NELL1: variants seen among roughly 807,000 people sequenced by gnomAD.
NELL1 encodes the protein protein kinase C-binding protein NELL1.
Under a neutral mutation model 107.4 loss-of-function variants are expected in NELL1, and 76 were observed. The observed-to-expected ratio is 0.71, with a 90% CI of 0.59 to 0.86. The LOEUF (loss-of-function observed/expected upper bound fraction) is 0.86, where lower values mean the gene tolerates loss of function less well. Ranked by LOEUF, NELL1 falls within the 40% of genes least tolerant of loss-of-function variation. The pLI is 0.00. For missense variants in NELL1, 1,024 were observed against 1,005.5 expected (o/e 1.02, Z -0.25); for synonymous variants, 353 against 341.2 (o/e 1.03, Z -0.38).
rs367731027 is a variant in NELL1, at chr11:21,454,521, C to T, written c.1646-79853C>T. On this transcript the variant is annotated intron_variant, in intron 15 of 19. Transcript: ENST00000357134. Reference sequence around the variant, plus strand: ...TTTCTCCATATCTTATAAACTCTAACATATATTATTAGTTTTATTTTAAAT... The same window carrying T: ...TTTCTCCATATCTTATAAACTCTAATATATATTATTAGTTTTATTTTAAAT... 4.2e-3 allele frequency among the ~76,000 whole-genome samples: 638 copies of T among 152,200 alleles called. 5 individuals carry two copies. Among genetic ancestry groups the T allele is most frequent in the Non-Finnish European group, 5.5e-3 (374 of 68,006 alleles).
At chr11:20,741,219 C>G (rs916852897) in intron 2 of NELL1, among the ~76,000 whole-genome samples, 1 of 151,908 alleles carries the variant, frequency 6.6e-6, no homozygotes, top group African/African-American at 2.4e-5. Flanking sequence ...ATTCCTGGAG[C>G]CTTCTCGCCC....
intron 15 of NELL1, among the ~76,000 whole-genome samples, chr11:21,434,190 G>T (rs543935421): frequency 2.5e-4 from 38 of 152,132 alleles, no homozygotes; most frequent in Admixed American, 1.0e-3. Flanking sequence ...AGATTTTTTT[G>T]ATTGATATAG....
intron 12 of NELL1, among the ~76,000 whole-genome samples, chr11:21,104,412 G>T (rs989815378): frequency 6.6e-6 from 1 of 152,180 alleles, no homozygotes; most frequent in Non-Finnish European, 1.5e-5. Flanking sequence ...GGCACAAAAA[G>T]ATATGTTACT....
chr11:21,009,252 A>G (rs1852396329), intron 12 of NELL1, among the ~76,000 whole-genome samples: 1 of 152,092 alleles, frequency 6.6e-6, no homozygotes, highest in African/African-American at 2.4e-5. Context: ...TTTCACATCA[A>G]CTTCTATGTA....
At chr11:21,256,309 T>C (rs1858767046) in intron 14 of NELL1, among the ~76,000 whole-genome samples, 1 of 152,032 alleles carries the variant, frequency 6.6e-6, no homozygotes, top group South Asian at 2.1e-4. Context: ...GCAACTTGAC[T>C]TGAGCACATA....
chr11:21,508,983 G>T (rs939742906), intron 15 of NELL1, among the ~76,000 whole-genome samples: 2 of 151,902 alleles, frequency 1.3e-5, no homozygotes, highest in African/African-American at 4.8e-5. Flanking sequence ...CAACAAAAGT[G>T]AAAACAGAAG....
intron 9 of NELL1, among the ~76,000 whole-genome samples, chr11:20,929,964 T>C (rs1218918091): frequency 1.4e-5 from 2 of 143,360 alleles, no homozygotes; most frequent in Admixed American, 6.9e-5. Context: ...AGAGTGAGTC[T>C]GTCTCAAAAA....
At chr11:21,204,185 G>C (rs1052510971) in intron 13 of NELL1, among the ~76,000 whole-genome samples, 2 of 152,082 alleles carry the variant, frequency 1.3e-5, no homozygotes, top group African/African-American at 4.8e-5. Flanking sequence ...AGTTCTCCTG[G>C]ATAATATCCT....
At chr11:20,896,395 G>T (rs547417004) in intron 5 of NELL1, among the ~76,000 whole-genome samples, 1 of 152,190 alleles carries the variant, frequency 6.6e-6, no homozygotes, top group Non-Finnish European at 1.5e-5. Flanking sequence ...GGACATTTAG[G>T]CTGGTTCCGT....
chr11:21,336,925 T>C (rs1850415298), intron 14 of NELL1, among the ~76,000 whole-genome samples: 1 of 152,012 alleles, frequency 6.6e-6, no homozygotes, highest in South Asian at 2.1e-4. Flanking sequence ...AATAAAGAGA[T>C]ACCTGGGTTG....
chr11:20,941,350 T>C (rs1375570310), intron 10 of NELL1, among the ~76,000 whole-genome samples: 2 of 152,198 alleles, frequency 1.3e-5, no homozygotes, highest in Non-Finnish European at 2.9e-5. Context: ...TAATTACTCT[T>C]ACAATATAGC....
intron 12 of NELL1, among the ~76,000 whole-genome samples, chr11:20,976,071 T>A (rs1478492903): frequency 6.9e-6 from 1 of 143,894 alleles, no homozygotes; most frequent in African/African-American, 2.6e-5. Context: ...TCTGTACATA[T>A]ATGTATTATA....
intron 17 of NELL1, among the ~76,000 whole-genome samples, chr11:21,561,029 CTGTT>C (rs1308960455): frequency 2.0e-5 from 3 of 152,068 alleles, no homozygotes; most frequent in African/African-American, 7.2e-5. Flanking sequence ...GTCTATTAAA[CTGTT>C]TGATCTCTTT....
chr11:21,173,676 A>C (rs1188709928), intron 13 of NELL1, among the ~76,000 whole-genome samples: 1 of 151,772 alleles, frequency 6.6e-6, no homozygotes, highest in East Asian at 1.9e-4. Flanking sequence ...AGTGCTTGGC[A>C]TTGTGCCTGA....
At chr11:20,922,088 C>CT (rs1850391344) in intron 7 of NELL1, among the ~76,000 whole-genome samples, 1 of 152,120 alleles carries the variant, frequency 6.6e-6, no homozygotes, top group South Asian at 2.1e-4. Context: ...TTTGTTCACT[C>CT]TAACACTGAG....
At chr11:20,887,569 T>TA (rs1225368836) in intron 5 of NELL1, among the ~76,000 whole-genome samples, 1 of 152,174 alleles carries the variant, frequency 6.6e-6, no homozygotes, top group Non-Finnish European at 1.5e-5. Context: ...TGGAAATTTT[T>TA]AAGGTAAAGC....
intron 12 of NELL1, among the ~76,000 whole-genome samples, chr11:20,998,400 TTTTG>T (rs1263677450): frequency 2.6e-5 from 4 of 152,240 alleles, no homozygotes; most frequent in African/African-American, 4.8e-5. Flanking sequence ...CATAGCTGAA[TTTTG>T]TTTGTTACCC....
chr11:20,992,520 T>G (rs936274291), intron 12 of NELL1, among the ~76,000 whole-genome samples: 1 of 152,100 alleles, frequency 6.6e-6, no homozygotes, highest in South Asian at 2.1e-4. Context: ...TCTAGTTCTG[T>G]TCATAGTTTT....
chr11:20,829,374 C>T (rs975003735), intron 3 of NELL1, among the ~76,000 whole-genome samples: 2 of 151,790 alleles, frequency 1.3e-5, no homozygotes, highest in African/African-American at 4.8e-5. Context: ...TTACAGGCAC[C>T]CGCCACCACA....
Sources: gnomAD v4.1 joint callset for allele counts (sites outside exome capture counted in the v4.1 genomes callset) on GRCh38, gnomAD v4.1.1 for gene constraint, MANE v1.5 for transcripts, NCBI Gene and HGNC (gene_info 2026-07-23, HGNC 2026-07-21) for gene names.